ZC3H12B: variants seen among roughly 807,000 people sequenced by gnomAD.
ZC3H12B encodes the protein probable ribonuclease ZC3H12B.
Under a neutral mutation model 43.9 loss-of-function variants are expected in ZC3H12B, and 7 were observed. The ratio of observed to expected loss-of-function variants is 0.16; its 90% confidence interval spans 0.09 to 0.30. The LOEUF is 0.30. Among genes scored for constraint, ZC3H12B ranks in the 10% least tolerant of loss-of-function variants. The pLI, the probability that ZC3H12B is intolerant of heterozygous loss-of-function variation, is 1.00. For missense variants in ZC3H12B, 475 were observed against 670.2 expected (o/e 0.71, Z 3.22); for synonymous variants, 222 against 241.7 (o/e 0.92, Z 0.76).
the ZC3H12B span, among the ~76,000 whole-genome samples, chrX:65,241,277 C>T: frequency 1.9e-5 from 2 of 107,192 alleles, no homozygotes; most frequent in Non-Finnish European, 3.9e-5. Flanking sequence ...CAGGGAGGCC[C>T]TGCCCAGTGA....
At chrX:65,491,823 C>T (rs12395545) in intron 1 of ZC3H12B, among the ~76,000 whole-genome samples, 11,770 of 108,199 alleles carry the variant, frequency 0.11, 1,548 homozygotes, top group African/African-American at 0.37. Context: ...TTATAAGGTA[C>T]GTAAAGCAGG....
the ZC3H12B span, among the ~76,000 whole-genome samples, chrX:65,348,099 G>A: frequency 7.0e-4 from 78 of 111,055 alleles, no homozygotes; most frequent in African/African-American, 2.1e-3. Flanking sequence ...GGGGGGAGTG[G>A]GGGGATAGCA....
intron 3 of ZC3H12B, among the ~76,000 whole-genome samples, chrX:65,418,894 C>G (rs908664756): frequency 2.7e-5 from 3 of 111,718 alleles, no homozygotes; most frequent in African/African-American, 9.8e-5. Flanking sequence ...CATCCTTCCC[C>G]AAAGGGACCT....
At chrX:65,143,295 C>A in the ZC3H12B span, among the ~76,000 whole-genome samples, 20 of 110,659 alleles carry the variant, frequency 1.8e-4, no homozygotes, top group African/African-American at 6.2e-4. Flanking sequence ...GGGTTGAGTT[C>A]TTTTCCCCAT....
At chrX:65,048,987 T>C in the ZC3H12B span, among the ~76,000 whole-genome samples, 1 of 111,725 alleles carries the variant, frequency 9.0e-6, no homozygotes, top group African/African-American at 3.2e-5. Flanking sequence ...TGGAGAAATA[T>C]CTATTCAAGT....
chrX:65,252,347 AT>A, the ZC3H12B span, among the ~76,000 whole-genome samples: 246 of 111,663 alleles, frequency 2.2e-3, 2 homozygotes, highest in African/African-American at 7.4e-3. Flanking sequence ...CCAGTATTTT[AT>A]TGAGGATTTT....
chrX:65,366,678 C>A (rs1044595280), exon 1 of ZC3H12B: 4 of 111,935 alleles, frequency 3.6e-5, no homozygotes, highest in African/African-American at 1.3e-4. Context: ...ACCACTGCTT[C>A]TTTTAAGAGT....
At chrX:65,507,351 A>G (rs2068435856) in exon 5 of ZC3H12B, 1 of 112,556 alleles carries the variant, frequency 8.9e-6, no homozygotes, top group Non-Finnish European at 1.9e-5. Context: ...TGAGGAGTGC[A>G]TAGTCTTCAA....
exon 3 of ZC3H12B, chrX:65,398,624 T>G (rs1336016310): frequency 8.9e-6 from 1 of 112,113 alleles, no homozygotes; most frequent in Non-Finnish European, 1.9e-5. Context: ...TGAAGATGTG[T>G]GTGCTTTCCA....
At chrX:65,107,651 C>T in the ZC3H12B span, among the ~76,000 whole-genome samples, 1 of 111,127 alleles carries the variant, frequency 9.0e-6, no homozygotes, top group African/African-American at 3.3e-5. Context: ...GGAGCAGTTA[C>T]CCTCATGCTA....
chrX:65,163,716 T>A, the ZC3H12B span, among the ~76,000 whole-genome samples: 1 of 111,926 alleles, frequency 8.9e-6, no homozygotes, highest in Admixed American at 9.5e-5. Flanking sequence ...CAACCCCTTG[T>A]GCTTCCCGAG....
chrX:65,107,003 G>A, the ZC3H12B span, among the ~76,000 whole-genome samples: 1 of 111,284 alleles, frequency 9.0e-6, no homozygotes, highest in Non-Finnish European at 1.9e-5. Flanking sequence ...TATTCACGTG[G>A]AGATGGATAC....
chrX:65,424,929 G>T (rs938211239), intron 3 of ZC3H12B, among the ~76,000 whole-genome samples: 1 of 111,329 alleles, frequency 9.0e-6, no homozygotes, highest in African/African-American at 3.3e-5. Context: ...TTTTTCTTAT[G>T]ATTGTCTTGT....
chrX:65,124,345 G>C, the ZC3H12B span, among the ~76,000 whole-genome samples: 1 of 111,143 alleles, frequency 9.0e-6, no homozygotes, highest in African/African-American at 3.3e-5. Flanking sequence ...AAACCCACTT[G>C]ATTATGGTAG....
the ZC3H12B span, among the ~76,000 whole-genome samples, chrX:65,096,505 A>G: frequency 7.6e-4 from 85 of 112,509 alleles, no homozygotes; most frequent in African/African-American, 2.2e-3. Context: ...GGCTGGATAG[A>G]AATGAAGAAT....
intron 3 of ZC3H12B, among the ~76,000 whole-genome samples, chrX:65,444,173 G>A (rs779746384): frequency 1.8e-4 from 20 of 111,459 alleles, no homozygotes; most frequent in Non-Finnish European, 2.5e-4. Context: ...ATTTGTTGTC[G>A]GTTTATTTAT....
At chrX:65,285,158 G>T in the ZC3H12B span, among the ~76,000 whole-genome samples, 1 of 110,182 alleles carries the variant, frequency 9.1e-6, no homozygotes, top group South Asian at 3.8e-4. Context: ...GAGACAGGTG[G>T]TGTTTGGTTA....
chrX:65,446,975 C>T (rs185644597), intron 3 of ZC3H12B, among the ~76,000 whole-genome samples: 128 of 111,919 alleles, frequency 1.1e-3, no homozygotes, highest in Non-Finnish European at 1.5e-3. Flanking sequence ...GATTATAATG[C>T]TTTTCAGTAT....
the ZC3H12B span, among the ~76,000 whole-genome samples, chrX:65,292,020 A>G: frequency 8.9e-6 from 1 of 111,981 alleles, no homozygotes; most frequent in South Asian, 3.7e-4. Context: ...AAAATATGTG[A>G]GGTGACAACT....
Sources: gnomAD v4.1 joint callset for allele counts (sites outside exome capture counted in the v4.1 genomes callset) on GRCh38, gnomAD v4.1.1 for gene constraint, MANE v1.5 for transcripts, NCBI Gene and HGNC (gene_info 2026-07-23, HGNC 2026-07-21) for gene names.